Variants in DSCAM observed in about 807,000 individuals in gnomAD.
The protein encoded by DSCAM is cell adhesion molecule DSCAM.
DSCAM carries 47 observed loss-of-function variants against 217.7 expected under a neutral mutation model. That is an observed-to-expected ratio of 0.22 (90% CI 0.17 to 0.28). The LOEUF (loss-of-function observed/expected upper bound fraction) is 0.28. DSCAM is among the 10% of genes least tolerant of loss of function. The pLI is 1.00. For missense variants in DSCAM, 2,080 were observed against 2,618.3 expected (o/e 0.79, Z 4.49); for synonymous variants, 1,056 against 1,015.3 (o/e 1.04, Z -0.76).
intron 3 of DSCAM, among the ~76,000 whole-genome samples, chr21:40,402,049 CTTTTTTTTTTTTTTTTT>C (rs71186933): frequency 1.7e-5 from 1 of 58,212 alleles, no homozygotes; most frequent in African/African-American, 7.1e-5. Flanking sequence ...ATTCTTATTC[CTTTTTTTTTTTTTTTTT>C]TTTTTTTTTT....
At chr21:40,033,008 A>G (rs2088557163) in intron 32 of DSCAM, among the ~76,000 whole-genome samples, 1 of 152,196 alleles carries the variant, frequency 6.6e-6, no homozygotes, top group Admixed American at 6.5e-5. Context: ...CTGCTTTGGA[A>G]TATCTGGCCC....
intron 11 of DSCAM, among the ~76,000 whole-genome samples, chr21:40,192,067 A>G (rs1251558714): frequency 3.3e-5 from 5 of 152,204 alleles, no homozygotes; most frequent in Non-Finnish European, 5.9e-5. Context: ...ATTATCCAGT[A>G]CATATACATA....
In DSCAM at chr21:40,134,007, G is replaced by T; in HGVS notation, c.3409C>A (p.Leu1137Met). The change falls in exon 19 of 33, where the codon CTG becomes ATG. Residue 1137 changes from leucine (L) to methionine (M), a missense_variant and splice_region_variant. This residue lies in a region of DSCAM where 1,144 missense variants were observed against 1,421.1 expected (regional missense o/e 0.81). Transcript: ENST00000400454. ...IYWANLMDGE[L>M]GEIKNITTTQ... ...GTGGTGATGTTTTTAATCTCACCCA[G>T]CTCTGGAGGACAAGAACAAGAAAAC... 6.2e-7 allele frequency: 1 copy of T among 1,604,520 alleles called. No homozygotes were observed. Among genetic ancestry groups the T allele is most frequent in the Non-Finnish European group, 8.5e-7 (1 of 1,176,702 alleles).
intron 30 of DSCAM, among the ~76,000 whole-genome samples, chr21:40,051,723 C>T (rs558576948): frequency 1.9e-3 from 288 of 152,182 alleles, no homozygotes; most frequent in Admixed American, 2.9e-3. Flanking sequence ...ATACATGTAC[C>T]TGAAATTTCT....
intron 10 of DSCAM, among the ~76,000 whole-genome samples, chr21:40,293,248 G>A (rs753427766): frequency 1.6e-4 from 24 of 152,238 alleles, no homozygotes; most frequent in Middle Eastern, 6.8e-3. Flanking sequence ...GATCTGTGAT[G>A]CACTTCTGGA....
intron 11 of DSCAM, among the ~76,000 whole-genome samples, chr21:40,225,109 A>G (rs410420): frequency 2.6e-5 from 4 of 152,006 alleles, no homozygotes; most frequent in African/African-American, 9.7e-5. Flanking sequence ...TTCACAGGAG[A>G]TTGGCCAGGC....
chr21:40,417,476 AT>A (rs1227932962), intron 3 of DSCAM, among the ~76,000 whole-genome samples: 1 of 152,226 alleles, frequency 6.6e-6, no homozygotes, highest in Non-Finnish European at 1.5e-5. Flanking sequence ...TAGAAAATAC[AT>A]TAGAATCAAT....
Position 40,246,296 on chromosome 21 carries a change from C to T in DSCAM, c.2356+29801G>A, listed in dbSNP as rs571897989. 3.4e-5 allele frequency among the ~76,000 whole-genome samples: 4 copies of T among 117,360 alleles called. No individual in the cohort carries two copies. In the South Asian group the frequency reaches 1.2e-3, roughly 35 times the overall value. The allele number at this position is 117,360 out of a possible 152,430, so 77.0% of individuals were successfully genotyped here. On this transcript the variant is annotated intron_variant, in intron 11 of 32. Transcript: ENST00000400454. ...CTTTGGGAAGCCAAGGCAGGTGAAT[C>T]AAATGAGGTCAAAAGTTCAAGACCA...
chr21:40,782,040 G>C (rs1476308870), intron 1 of DSCAM, among the ~76,000 whole-genome samples: 1 of 150,960 alleles, frequency 6.6e-6, no homozygotes, highest in African/African-American at 2.4e-5. Context: ...GCGCAATGGC[G>C]GGCGCCTGCA....
At chr21:40,179,491 T>A (rs2090775338) in intron 14 of DSCAM, among the ~76,000 whole-genome samples, 1 of 152,142 alleles carries the variant, frequency 6.6e-6, no homozygotes, top group Non-Finnish European at 1.5e-5. Flanking sequence ...GACAGTACAA[T>A]GAACTATGGT....
intron 11 of DSCAM, among the ~76,000 whole-genome samples, chr21:40,200,113 A>G (rs2091055009): frequency 6.6e-6 from 1 of 151,430 alleles, no homozygotes; most frequent in Non-Finnish European, 1.5e-5. Context: ...TCTTCAAATC[A>G]GAACACCCTT....
chr21:40,343,933 T>TCA (rs1211258516), intron 6 of DSCAM, among the ~76,000 whole-genome samples: 1 of 151,984 alleles, frequency 6.6e-6, no homozygotes, highest in Non-Finnish European at 1.5e-5. Flanking sequence ...AGATGGAGTC[T>TCA]CACTCTGTCA....
chr21:40,598,475 G>A (rs1248656594), intron 3 of DSCAM, among the ~76,000 whole-genome samples: 1 of 131,546 alleles, frequency 7.6e-6, no homozygotes, highest in East Asian at 2.4e-4. Context: ...ACTATGTTTA[G>A]TTTGTAAGAA....
chr21:40,013,565 A>G (rs1174416058), intron 32 of DSCAM, among the ~76,000 whole-genome samples, 179 bp from the exon 33 acceptor site: 3 of 151,922 alleles, frequency 2.0e-5, no homozygotes, highest in Non-Finnish European at 4.4e-5. Flanking sequence ...TCGTCCTCCT[A>G]CCTCCTCCCT....
chr21:40,497,825 C>G (rs2076131910), intron 3 of DSCAM, among the ~76,000 whole-genome samples: 1 of 152,188 alleles, frequency 6.6e-6, no homozygotes, highest in Non-Finnish European at 1.5e-5. Context: ...ATACATTTGC[C>G]TTTGCAGAGT....
intron 21 of DSCAM, among the ~76,000 whole-genome samples, chr21:40,089,327 C>G (rs1320060186): frequency 6.6e-6 from 1 of 152,194 alleles, no homozygotes; most frequent in Non-Finnish European, 1.5e-5. Flanking sequence ...GATTCAGCAG[C>G]TCTTTCCTGT....
intron 3 of DSCAM, among the ~76,000 whole-genome samples, chr21:40,630,056 A>T (rs979835840): frequency 6.6e-6 from 1 of 152,172 alleles, no homozygotes; most frequent in African/African-American, 2.4e-5. Context: ...ATGCTGATGG[A>T]TGTCTACCAT....
At chr21:40,438,332 G>A (rs1232268891) in intron 3 of DSCAM, among the ~76,000 whole-genome samples, 1 of 152,196 alleles carries the variant, frequency 6.6e-6, no homozygotes, top group Non-Finnish European at 1.5e-5. Context: ...CATGTGTTAT[G>A]TTAATCTTGG....
intron 3 of DSCAM, among the ~76,000 whole-genome samples, chr21:40,586,053 C>T (rs916971426): frequency 4.6e-5 from 7 of 152,198 alleles, no homozygotes; most frequent in Admixed American, 1.3e-4. Context: ...GACAGGGTTT[C>T]ACCATGTTGG....
Sources: allele counts gnomAD v4.1 joint callset (sites outside exome capture counted in the v4.1 genomes callset), GRCh38; gene constraint gnomAD v4.1.1; regional missense constraint gnomAD v4.1.1; transcripts MANE v1.5; gene names NCBI Gene and HGNC (gene_info 2026-07-23, HGNC 2026-07-21).